The following CSMD1 variants were observed in gnomAD, a reference collection of about 807,000 sequenced individuals.
The protein encoded by CSMD1 is CUB and sushi domain-containing protein 1.
Under a neutral mutation model 417.5 loss-of-function variants are expected in CSMD1, and 213 were observed. The ratio of observed to expected loss-of-function variants is 0.51; its 90% CI spans 0.46 to 0.57. The LOEUF is 0.57. Among genes scored for constraint, CSMD1 ranks in the 20% least tolerant of loss-of-function variants. The pLI, the probability that CSMD1 is intolerant of heterozygous loss-of-function variation, is 0.00. For missense variants in CSMD1, 6,923 were observed against 4,529.7 expected (o/e 1.53, Z -15.17); for synonymous variants, 2,862 against 1,736.8 (o/e 1.65, Z -16.11).
At chr8:4,321,089 T>C (rs1259277389) in intron 3 of CSMD1, among the ~76,000 whole-genome samples, 3 of 152,166 alleles carry the variant, frequency 2.0e-5, no homozygotes, top group East Asian at 1.9e-4. Flanking sequence ...TACGCTTATA[T>C]TGAGTTTTTG....
At chr8:3,306,163 TGCAGTGAAGTAAG>T (rs1804828771) in intron 25 of CSMD1, among the ~76,000 whole-genome samples, 1 of 152,192 alleles carries the variant, frequency 6.6e-6, no homozygotes, top group Non-Finnish European at 1.5e-5. Flanking sequence ...GTTATAGGGT[TGCAGTGAAGTAAG>T]TGTATGATAT....
chr8:4,089,730 T>C (rs1341609028), intron 3 of CSMD1, among the ~76,000 whole-genome samples: 1 of 152,208 alleles, frequency 6.6e-6, no homozygotes. Context: ...ATTTTAATTA[T>C]TATTGACACA....
intron 1 of CSMD1, among the ~76,000 whole-genome samples, chr8:4,819,663 C>A (rs80349669): frequency 6.6e-6 from 1 of 152,052 alleles, no homozygotes; most frequent in South Asian, 2.1e-4. Flanking sequence ...TGTTGTCACC[C>A]CTGTCTCAGT....
chr8:3,818,212 C>T (rs912965188), intron 5 of CSMD1, among the ~76,000 whole-genome samples: 4 of 152,158 alleles, frequency 2.6e-5, no homozygotes, highest in South Asian at 4.2e-4. Context: ...TCCATGAAAA[C>T]GCAGAGCCCA....
intron 3 of CSMD1, among the ~76,000 whole-genome samples, chr8:4,133,808 A>C (rs1303676974): frequency 6.6e-6 from 1 of 152,156 alleles, no homozygotes; most frequent in Non-Finnish European, 1.5e-5. Context: ...TGCCACTCTG[A>C]CCATGCCTGA....
At chr8:4,804,644 T>A (rs1410187954) in intron 1 of CSMD1, among the ~76,000 whole-genome samples, 1 of 152,042 alleles carries the variant, frequency 6.6e-6, no homozygotes, top group Non-Finnish European at 1.5e-5. Context: ...AGAGATAATA[T>A]TACAAAGAAT....
At chr8:4,743,683 G>A (rs1388942709) in intron 1 of CSMD1, among the ~76,000 whole-genome samples, 2 of 152,110 alleles carry the variant, frequency 1.3e-5, no homozygotes, top group Non-Finnish European at 2.9e-5. Context: ...TTGAGTCAAA[G>A]CTTTCTTCTG....
intron 5 of CSMD1, among the ~76,000 whole-genome samples, chr8:3,889,002 C>G (rs1041921433): frequency 1.3e-5 from 2 of 152,076 alleles, no homozygotes; most frequent in Non-Finnish European, 2.9e-5. Flanking sequence ...AAAGTACTTA[C>G]AAACTCATTC....
intron 3 of CSMD1, among the ~76,000 whole-genome samples, chr8:4,210,324 T>C (rs887909057): frequency 1.1e-4 from 16 of 152,208 alleles, no homozygotes; most frequent in Non-Finnish European, 2.1e-4. Context: ...AAGTGTGGGA[T>C]TGTGCTGTGT....
At chr8:3,196,272 A>C (rs984365991) in intron 33 of CSMD1, among the ~76,000 whole-genome samples, 2 of 152,220 alleles carry the variant, frequency 1.3e-5, no homozygotes, top group African/African-American at 4.8e-5. Flanking sequence ...TCCTAGTTAA[A>C]GGAATTGTCT....
intron 49 of CSMD1, among the ~76,000 whole-genome samples, chr8:3,078,282 C>G (rs1167877780): frequency 6.6e-6 from 1 of 152,154 alleles, no homozygotes; most frequent in African/African-American, 2.4e-5. Context: ...GACTACAATA[C>G]TGCTTTTATT....
At chr8:4,233,178 A>G (rs961442392) in intron 3 of CSMD1, among the ~76,000 whole-genome samples, 3 of 152,202 alleles carry the variant, frequency 2.0e-5, no homozygotes, top group African/African-American at 7.2e-5. Context: ...AAGCAACAAC[A>G]TTCATATTGA....
chr8:4,253,021 G>A (rs1336077866), intron 3 of CSMD1, among the ~76,000 whole-genome samples: 1 of 152,176 alleles, frequency 6.6e-6, no homozygotes, highest in African/African-American at 2.4e-5. Context: ...GGTACCAGCA[G>A]CTGAACAAAA....
chr8:4,293,600 A>C (rs1797498860), intron 3 of CSMD1, among the ~76,000 whole-genome samples: 1 of 152,216 alleles, frequency 6.6e-6, no homozygotes, highest in Admixed American at 6.5e-5. Flanking sequence ...TCTCATCATG[A>C]ACTAAGCAAT....
intron 23 of CSMD1, among the ~76,000 whole-genome samples, chr8:3,337,633 G>A (rs1807356089): frequency 6.6e-6 from 1 of 152,132 alleles, no homozygotes; most frequent in South Asian, 2.1e-4. Flanking sequence ...GGACAGAGAG[G>A]TCCATGGCCT....
chr8:4,248,370 G>A (rs1258974245), intron 3 of CSMD1, among the ~76,000 whole-genome samples: 1 of 152,098 alleles, frequency 6.6e-6, no homozygotes, highest in Admixed American at 6.6e-5. Context: ...TCATCCCTTG[G>A]TGAGTGCTGG....
chr8:3,616,438 G>A (rs1210763787), intron 8 of CSMD1, among the ~76,000 whole-genome samples: 2 of 152,150 alleles, frequency 1.3e-5, no homozygotes, highest in Non-Finnish European at 2.9e-5. Flanking sequence ...GCTGAACTAT[G>A]AGTCAATTAA....
chr8:3,768,515 G>C (rs188787615), intron 5 of CSMD1, among the ~76,000 whole-genome samples: 1 of 151,982 alleles, frequency 6.6e-6, no homozygotes, highest in African/African-American at 2.4e-5. Flanking sequence ...ATATAAAATA[G>C]CATGAGACAA....
intron 3 of CSMD1, among the ~76,000 whole-genome samples, chr8:4,232,248 T>C (rs1429705582): frequency 2.6e-5 from 4 of 152,188 alleles, no homozygotes; most frequent in Admixed American, 2.0e-4. Context: ...CACCAGGCTG[T>C]AGTGCAGTGG....
Sources: gnomAD v4.1 joint callset for allele counts (sites outside exome capture counted in the v4.1 genomes callset) on GRCh38, gnomAD v4.1.1 for gene constraint, MANE v1.5 for transcripts, NCBI Gene and HGNC (gene_info 2026-07-23, HGNC 2026-07-21) for gene names.